TRDN: variants seen among roughly 807,000 people sequenced by gnomAD.
The protein encoded by TRDN is triadin in skeletal muscle.
TRDN carries 161 observed loss-of-function variants against 149.7 expected under a neutral mutation model. The observed-to-expected ratio is 1.08, with a 90% CI of 0.95 to 1.23. The LOEUF is 1.23. Ranked by LOEUF, TRDN falls within the 50% of genes most tolerant of loss-of-function variation. The pLI, the probability that TRDN is intolerant of heterozygous loss-of-function variation, is 0.00. For missense variants in TRDN, 896 were observed against 823.5 expected, an observed-to-expected ratio of 1.09 and a Z score of -1.08; for synonymous variants, 294 against 250.5, an observed-to-expected ratio of 1.17 and a Z score of -1.64.
intron 38 of TRDN, among the ~76,000 whole-genome samples, chr6:123,232,727 TAA>T (rs964974819): frequency 2.6e-5 from 4 of 151,678 alleles, no homozygotes; most frequent in African/African-American, 7.3e-5. Context: ...TACAAAAGAG[TAA>T]AAAGAGATTG....
At chr6:123,578,582 G>A (rs1782969361) in intron 1 of TRDN, among the ~76,000 whole-genome samples, 1 of 152,088 alleles carries the variant, frequency 6.6e-6, no homozygotes, top group Admixed American at 6.6e-5. Context: ...TTGAAGTTGA[G>A]TAATGTAATG....
intron 38 of TRDN, among the ~76,000 whole-genome samples, chr6:123,226,957 A>AG (rs1775397484): frequency 6.6e-6 from 1 of 151,848 alleles, no homozygotes. Context: ...AATTAAAGTG[A>AG]GGGCAACAAT....
intron 1 of TRDN, among the ~76,000 whole-genome samples, chr6:123,616,538 T>C (rs2114696765): frequency 6.6e-6 from 1 of 152,336 alleles, no homozygotes. Context: ...TATTTATTCA[T>C]ATGCATTTAT....
intron 10 of TRDN, among the ~76,000 whole-genome samples, chr6:123,456,528 G>A (rs62419057): frequency 6.6e-6 from 1 of 151,508 alleles, no homozygotes; most frequent in African/African-American, 2.4e-5. Flanking sequence ...GAGTGCAGTC[G>A]TGGGATCTCG....
chr6:123,235,264 G>A (rs1264868333), intron 38 of TRDN, among the ~76,000 whole-genome samples: 1 of 152,090 alleles, frequency 6.6e-6, no homozygotes, highest in Non-Finnish European at 1.5e-5. Context: ...GAGATCATCA[G>A]CTAAAGTTAT....
chr6:123,607,478 G>A (rs1462322062), intron 1 of TRDN, among the ~76,000 whole-genome samples: 1 of 152,072 alleles, frequency 6.6e-6, no homozygotes, highest in Non-Finnish European at 1.5e-5. Context: ...AGATTACTGG[G>A]CCTTAACATG....
intron 14 of TRDN, among the ~76,000 whole-genome samples, chr6:123,386,408 A>G (rs1380958434): frequency 6.6e-6 from 1 of 152,214 alleles, no homozygotes; most frequent in African/African-American, 2.4e-5. Context: ...ATGACTTGGT[A>G]CAGATGAAGA....
At chr6:123,449,511 A>C (rs146008454) in intron 10 of TRDN, among the ~76,000 whole-genome samples, 90 of 152,282 alleles carry the variant, frequency 5.9e-4, no homozygotes, top group Admixed American at 2.7e-3. Context: ...CCAATCCAAT[A>C]AAGACAAAGA....
At chr6:123,362,461 C>T (rs1334622851) in intron 20 of TRDN, among the ~76,000 whole-genome samples, 4 of 152,158 alleles carry the variant, frequency 2.6e-5, no homozygotes, top group African/African-American at 9.6e-5. Flanking sequence ...ATATTAATTC[C>T]TACAATGGTC....
intron 10 of TRDN, among the ~76,000 whole-genome samples, chr6:123,443,487 T>A (rs1583030882): frequency 6.6e-6 from 1 of 151,942 alleles, no homozygotes; most frequent in South Asian, 2.1e-4. Flanking sequence ...GCAGGCTAGA[T>A]AAATTCAAAG....
intron 9 of TRDN, among the ~76,000 whole-genome samples, chr6:123,493,640 T>G (rs1161189582): frequency 6.6e-6 from 1 of 152,114 alleles, no homozygotes; most frequent in African/African-American, 2.4e-5. Context: ...TACCAATAAT[T>G]AATAGTGAAC....
chr6:123,592,264 C>CCCT (rs1263212994), intron 1 of TRDN, among the ~76,000 whole-genome samples: 2 of 152,046 alleles, frequency 1.3e-5, no homozygotes, highest in African/African-American at 4.8e-5. Context: ...TCTATCTGGC[C>CCCT]CCTTCACACT....
chr6:123,579,253 A>G (rs1783004298), intron 1 of TRDN, among the ~76,000 whole-genome samples: 1 of 152,126 alleles, frequency 6.6e-6, no homozygotes. Context: ...ATTTTGCCCC[A>G]TCAGTATGAC....
intron 5 of TRDN, 27 bp downstream of exon 5, chr6:123,530,479 A>C: frequency 8.4e-7 from 1 of 1,185,436 alleles, no homozygotes. Flanking sequence ...ATCTAAATGA[A>C]GAATAAACAT....
In TRDN at chr6:123,294,901, C is replaced by G. The variant is rs112820224; in HGVS notation, c.1511-15819G>C. Reference sequence around the variant, plus strand: ...CAGCAGGTATCTAGAGATTTTTACTCCTCCAGTGCTAGGCAGGGCCTACTC... The same window carrying G: ...CAGCAGGTATCTAGAGATTTTTACTGCTCCAGTGCTAGGCAGGGCCTACTC... On this transcript the variant is annotated intron_variant, in intron 24 of 40. Coordinates refer to ENST00000334268, the MANE Select transcript of TRDN (RefSeq NM_006073.4). Among the ~76,000 whole-genome samples the G allele has an allele frequency of 3.7e-3, 563 of 152,218 alleles. 1 individual carries two copies. Among genetic ancestry groups the G allele is most frequent in the Non-Finnish European group, 6.7e-3 (459 of 68,014 alleles).
intron 13 of TRDN, chr6:123,389,602 G>T (rs1782031787): frequency 6.6e-6 from 1 of 151,940 alleles, no homozygotes; most frequent in African/African-American, 2.4e-5. Flanking sequence ...CTAAAAATCA[G>T]GAATAAAAGA....
At chr6:123,358,641 A>ATTGTTTTGTTTTGTT (rs59422811) in intron 20 of TRDN, among the ~76,000 whole-genome samples, 99 of 151,164 alleles carry the variant, frequency 6.5e-4, no homozygotes, top group African/African-American at 1.8e-3. Context: ...ATTTTTTTGT[A>ATTGTTTTGTTTTGTT]TTGTTTTGTT....
chr6:123,385,419 A>G (rs1377515489), intron 14 of TRDN, among the ~76,000 whole-genome samples: 3 of 134,258 alleles, frequency 2.2e-5, no homozygotes, highest in Non-Finnish European at 4.7e-5. Context: ...GCGAGACTCC[A>G]TCTCAAAAAA....
intron 38 of TRDN, among the ~76,000 whole-genome samples, chr6:123,234,642 A>T (rs1233991909): frequency 6.6e-6 from 1 of 152,144 alleles, no homozygotes; most frequent in Non-Finnish European, 1.5e-5. Flanking sequence ...TAAAATCTTA[A>T]AAACTATTGG....
Sources: allele counts gnomAD v4.1 joint callset (sites outside exome capture counted in the v4.1 genomes callset), GRCh38; gene constraint gnomAD v4.1.1; transcripts MANE v1.5; gene names NCBI Gene and HGNC (gene_info 2026-07-23, HGNC 2026-07-21).